C16orf96: variants seen among roughly 807,000 people sequenced by gnomAD.
The protein encoded by C16orf96 is uncharacterized protein C16orf96.
A neutral mutation model predicts 103.6 loss-of-function variants in C16orf96; 108 were observed. The observed-to-expected ratio is 1.04, with a 90% confidence interval of 0.89 to 1.22. The LOEUF (loss-of-function observed/expected upper bound fraction) is 1.22. C16orf96 is among the 50% of genes most tolerant of loss of function. C16orf96 has a pLI of 0.00. For synonymous variants in C16orf96, 566 were observed against 593.5 expected (o/e 0.95, Z 0.67); for missense variants, 1,586 against 1,464.2 (o/e 1.08, Z -1.36).
At chr16:4,587,185 C>A in intron 8 of C16orf96, 72 bp downstream of exon 8, 3 of 1,361,604 alleles carry the variant, frequency 2.2e-6, no homozygotes, top group Non-Finnish European at 3.1e-6. Context: ...AGGCAAAGCC[C>A]ACCAAAGAGT....
intron 2 of C16orf96, among the ~76,000 whole-genome samples, chr16:4,573,249 C>G (rs566738709): frequency 1.3e-5 from 2 of 151,786 alleles, no homozygotes; most frequent in African/African-American, 4.8e-5. Context: ...ACCAGCCTGG[C>G]CAACATGGTA....
Position 4,593,190 on chromosome 16 carries a change from C to CTAG in C16orf96, c.2775-34_2775-33insTAG. 6.5e-7 allele frequency: 1 copy of CTAG among 1,543,398 alleles called. No individual in the cohort carries two copies. Among genetic ancestry groups the CTAG allele is most frequent in the Non-Finnish European group, 8.8e-7 (1 of 1,140,112 alleles). ...GCCCTCTGCTGGCCTAGCACGCCTC[C>CTAG]CACAGCCCCTGCTGTGCCCTTGTCC... On this transcript the variant is annotated intron_variant, in intron 11 of 15. Coordinates refer to ENST00000444310, the MANE Select transcript of C16orf96 (RefSeq NM_001145011.2). The surrounding 1 kb of genome is among the most constrained non-coding windows in gnomAD (Gnocchi z 4.2).
the C16orf96 span, among the ~76,000 whole-genome samples, chr16:4,547,689 C>CTTCTTTCTTTCTTTCTTT: frequency 8.9e-5 from 2 of 22,574 alleles, no homozygotes; most frequent in African/African-American, 2.1e-4. Context: ...TCCTTCCTTC[C>CTTCTTTCTTTCTTTCTTT]TTCTTTCTTT....
Position 4,574,769 on chromosome 16 carries a change from G to T in C16orf96, c.586G>T (p.Val196Phe). ...EDFKIQNWKM[V>F]ALQREVASLQ... is the part of the protein sequence containing the mutation. ...CTTCAAAATACAGAACTGGAAGATG[G>T]TTGCACTGCAGCGGGAAGTGGTGAG... The change falls in exon 3 of 16, where the codon GTT becomes TTT. Residue 196 changes from valine (V) to phenylalanine (F), a missense_variant. By Grantham distance (50) the Val-to-Phe change is conservative. Transcript: ENST00000444310. 6.4e-7 allele frequency: 1 copy of T among 1,551,828 alleles called. No individual in the cohort carries two copies. Among genetic ancestry groups the T allele is most frequent in the East Asian group, 2.4e-5 (1 of 40,918 alleles).
intron 1 of C16orf96, among the ~76,000 whole-genome samples, chr16:4,569,296 C>T (rs924391244): frequency 6.6e-6 from 1 of 152,074 alleles, no homozygotes; most frequent in Non-Finnish European, 1.5e-5. Flanking sequence ...CTATTCATTA[C>T]TGAAAATAGG....
At chr16:4,588,032 A>C in intron 8 of C16orf96, 135 bp from the exon 9 acceptor site, 1 of 782,262 alleles carries the variant, frequency 1.3e-6, no homozygotes, top group Non-Finnish European at 2.0e-6. Context: ...CGTAGACCCC[A>C]GGGTTGCATT....
chr16:4,589,616 A>G (rs1326743584), intron 9 of C16orf96, among the ~76,000 whole-genome samples: 3 of 151,128 alleles, frequency 2.0e-5, no homozygotes. Context: ...AAAAAAAAAA[A>G]TGGGCGCAGA....
At chr16:4,584,917 C>T (rs1333938396) in intron 7 of C16orf96, among the ~76,000 whole-genome samples, 1 of 151,846 alleles carries the variant, frequency 6.6e-6, no homozygotes, top group Non-Finnish European at 1.5e-5. Flanking sequence ...GTGATCCACC[C>T]ACCTCAGCCT....
the C16orf96 span, among the ~76,000 whole-genome samples, chr16:4,545,976 A>C: frequency 1.3e-5 from 2 of 151,840 alleles, no homozygotes; most frequent in East Asian, 1.9e-4. Flanking sequence ...CAGCCTCCCG[A>C]GTAGCTGGGA....
At chr16:4,543,537 C>G in the C16orf96 span, among the ~76,000 whole-genome samples, 1 of 152,070 alleles carries the variant, frequency 6.6e-6, no homozygotes, top group Admixed American at 6.6e-5. Context: ...GGTTGCCAGG[C>G]TGGTCTTGAA....
chr16:4,582,968 G>T (rs547030251), intron 7 of C16orf96, among the ~76,000 whole-genome samples: 31 of 152,302 alleles, frequency 2.0e-4, no homozygotes, highest in Admixed American at 1.9e-3. Context: ...AGGCTCGGTG[G>T]CTCACGCCTG....
chr16:4,549,371 G>T, the C16orf96 span, among the ~76,000 whole-genome samples: 567 of 151,914 alleles, frequency 3.7e-3, 10 homozygotes, highest in South Asian at 0.039. Context: ...TGCTCGGGAG[G>T]CTGAGGCAGG....
Position 4,575,491 on chromosome 16 carries a change from ACTGGAGCTGGGG to A in C16orf96, c.1022_1033del (p.Gly341_Leu344del). The A allele has an allele frequency of 1.3e-6, 2 of 1,547,546 alleles. No individual in the cohort carries two copies. Among genetic ancestry groups the A allele is most frequent in the South Asian group, 1.2e-5 (1 of 84,028 alleles). On this transcript the variant is annotated inframe_deletion, in exon 5 of 16. Coordinates refer to ENST00000444310, the MANE Select transcript of C16orf96 (RefSeq NM_001145011.2). ...CACCTGGGACTGAACCTGTGCCAGG[ACTGGAGCTGGGG>A]CTGGAGCTGGAGCCTGTGCCTGCCC...
the C16orf96 span, among the ~76,000 whole-genome samples, chr16:4,548,173 G>C: frequency 6.6e-6 from 1 of 152,106 alleles, no homozygotes; most frequent in African/African-American, 2.4e-5. Context: ...CCGGAGACAG[G>C]ACGATGTTCC....
intron 14 of C16orf96, among the ~76,000 whole-genome samples, chr16:4,596,708 A>AAAC (rs1567136535): frequency 6.6e-6 from 1 of 152,098 alleles, no homozygotes; most frequent in East Asian, 1.9e-4. Flanking sequence ...ACAAACAAAA[A>AAAC]CAGAACAGAA....
At chr16:4,570,034 G>C (rs778149691) in intron 1 of C16orf96, among the ~76,000 whole-genome samples, 2 of 152,154 alleles carry the variant, frequency 1.3e-5, no homozygotes, top group Admixed American at 1.3e-4. Context: ...TCTTAAAAGT[G>C]CCCACTTTTT....
At chr16:4,543,182 T>C in the C16orf96 span, among the ~76,000 whole-genome samples, 3 of 152,132 alleles carry the variant, frequency 2.0e-5, no homozygotes, top group Admixed American at 2.0e-4. Flanking sequence ...GACGTTTAAG[T>C]TGGGGCTTGA....
Position 4,578,930 on chromosome 16 carries a change from C to G in C16orf96, c.2156-10C>G. ...GAGCCCTCAGCAGCCACCCTGTCCTCTGCTTTCAGCCAATATGGGAGGTCC... is the reference window on the plus strand; with the variant it reads ...GAGCCCTCAGCAGCCACCCTGTCCTGTGCTTTCAGCCAATATGGGAGGTCC... On this transcript the variant is annotated splice_polypyrimidine_tract_variant and intron_variant, in intron 5 of 15. Transcript: ENST00000444310. 2 of 1,549,868 alleles carry G rather than the reference C, an allele frequency of 1.3e-6. No homozygotes were observed. Among genetic ancestry groups the G allele is most frequent in the South Asian group, 1.2e-5 (1 of 84,028 alleles).
At chr16:4,598,594 C>T (rs960078170) in intron 14 of C16orf96, among the ~76,000 whole-genome samples, 3 of 151,888 alleles carry the variant, frequency 2.0e-5, no homozygotes, top group East Asian at 1.9e-4. Flanking sequence ...GTTAATTTTA[C>T]GTTATGTGGA....
Sources: allele counts gnomAD v4.1 joint callset (sites outside exome capture counted in the v4.1 genomes callset), GRCh38; gene constraint gnomAD v4.1.1; non-coding constraint Gnocchi (gnomAD v3.1); transcripts MANE v1.5; gene names NCBI Gene and HGNC (gene_info 2026-07-23, HGNC 2026-07-21).